The following POR variants were observed in gnomAD, a reference collection of about 807,000 sequenced individuals.
The protein encoded by POR is NADPH--cytochrome P450 reductase.
POR carries 56 observed loss-of-function variants against 84.0 expected under a neutral mutation model. The ratio of observed to expected loss-of-function variants is 0.67; its 90% CI spans 0.54 to 0.83. The LOEUF (loss-of-function observed/expected upper bound fraction) is 0.83, where lower values mean the gene tolerates loss of function less well. POR is among the 40% of genes least tolerant of loss of function. The pLI is 0.00. For synonymous variants in POR, 414 were observed against 400.5 expected, an observed-to-expected ratio of 1.03 and a Z score of -0.40; for missense variants, 938 against 944.3, an observed-to-expected ratio of 0.99 and a Z score of 0.09.
intron 1 of POR, among the ~76,000 whole-genome samples, chr7:75,916,797 A>G (rs192087178): frequency 2.1e-4 from 32 of 152,284 alleles, no homozygotes; most frequent in Admixed American, 6.5e-4. Flanking sequence ...ACCGCAGCCA[A>G]TGTAAATCAG....
chr7:75,962,069 C>T lies in POR; in HGVS notation c.188+7889C>T, dbSNP rs146063272. On this transcript the variant is annotated intron_variant, in intron 2 of 15. Transcript: ENST00000461988. ...CTCCTTTCTGAACATAACACAACGCCATCTTCACACCTTGGAAGTCAACAG... is the reference window on the plus strand; with the variant it reads ...CTCCTTTCTGAACATAACACAACGCTATCTTCACACCTTGGAAGTCAACAG... Among the ~76,000 whole-genome samples the T allele has an allele frequency of 3.9e-3, 587 of 152,204 alleles. 6 individuals carry two copies. Among genetic ancestry groups the T allele is most frequent in the Middle Eastern group, 0.01 (3 of 294 alleles).
chr7:75,965,814 G>A (rs552708849), intron 2 of POR, among the ~76,000 whole-genome samples: 6 of 152,132 alleles, frequency 3.9e-5, no homozygotes, highest in Non-Finnish European at 7.4e-5. Context: ...GGACATGGTC[G>A]GGGGGAATGA....
At chr7:75,958,432 T>C (rs1269424708) in intron 2 of POR, among the ~76,000 whole-genome samples, 2 of 152,080 alleles carry the variant, frequency 1.3e-5, no homozygotes, top group African/African-American at 2.4e-5. Flanking sequence ...TTATTATTTT[T>C]ATCCTTTTTA....
intron 2 of POR, among the ~76,000 whole-genome samples, chr7:75,954,695 A>G (rs986972760): frequency 8.1e-5 from 12 of 147,618 alleles, no homozygotes; most frequent in African/African-American, 2.8e-4. Context: ...GTGCACCACT[A>G]TGCCCAGCTA....
At chr7:75,984,277 G>C (rs41301415) in intron 10 of POR, among the ~76,000 whole-genome samples, 199 of 152,272 alleles carry the variant, frequency 1.3e-3, no homozygotes, top group Non-Finnish European at 2.4e-3. Context: ...GTGCCGAGTG[G>C]CAGTAGCCAT....
intron 1 of POR, among the ~76,000 whole-genome samples, chr7:75,937,291 C>CA (rs1227123390): frequency 0.012 from 761 of 66,168 alleles, 9 homozygotes; most frequent in African/African-American, 0.037. Flanking sequence ...CCCATCTCTA[C>CA]AAAAAAAAAA....
At chr7:75,956,593 T>C (rs1787696538) in intron 2 of POR, among the ~76,000 whole-genome samples, 1 of 151,856 alleles carries the variant, frequency 6.6e-6, no homozygotes, top group Admixed American at 6.5e-5. Context: ...TAAACTCACC[T>C]AGCACTGCCC....
chr7:75,981,372 T>C, intron 6 of POR, 145 bp from the exon 7 acceptor site: 1 of 1,183,262 alleles, frequency 8.5e-7, no homozygotes, highest in Non-Finnish European at 1.2e-6. Flanking sequence ...GCCTTCCTGA[T>C]GCTCTGGGTT....
intron 1 of POR, among the ~76,000 whole-genome samples, chr7:75,922,204 G>A (rs1292984341): frequency 6.6e-6 from 1 of 152,120 alleles, no homozygotes; most frequent in Non-Finnish European, 1.5e-5. Context: ...GCATAAGGTA[G>A]GCACTTGGAT....
At chr7:75,931,340 TA>T (rs1554550107) in intron 1 of POR, among the ~76,000 whole-genome samples, 3 of 84,956 alleles carry the variant, frequency 3.5e-5, no homozygotes, top group Non-Finnish European at 7.6e-5. Context: ...TGTGTGATTT[TA>T]TTTATTTATT....
chr7:75,916,571 G>A (rs1465011814), intron 1 of POR, among the ~76,000 whole-genome samples: 2 of 152,108 alleles, frequency 1.3e-5, no homozygotes, highest in African/African-American at 4.8e-5. Context: ...GCCATCTAAT[G>A]TTGGAAACTT....
intron 2 of POR, among the ~76,000 whole-genome samples, chr7:75,960,502 G>T (rs1232663076): frequency 6.6e-6 from 1 of 151,912 alleles, no homozygotes; most frequent in Non-Finnish European, 1.5e-5. Context: ...TAAAGACATG[G>T]TCTCGCTCTG....
chr7:75,979,739 C>T, intron 4 of POR, 160 bp downstream of exon 4: 2 of 995,342 alleles, frequency 2.0e-6, no homozygotes, highest in South Asian at 3.3e-5. Context: ...CCATCCCTGC[C>T]CGGGCTGACT....
chr7:75,986,221 T>C lies in POR; in HGVS notation c.1878T>C (p.Gly626=), dbSNP rs1250170266. The change falls in exon 15 of 16, where the codon GGT becomes GGC. Residue 626 remains glycine, a synonymous_variant. Coordinates refer to ENST00000461988, the MANE Select transcript of POR (RefSeq NM_000941.3). ...ACCTGTGGAAGTTGATCGAAGGCGG[T>C]GCCCACATCTACGTCTGTGGGTGAG... The C allele has an allele frequency of 6.8e-6, 11 of 1,612,560 alleles. No individual in the cohort carries two copies. The highest frequency in any genetic ancestry group is 9.3e-6 in the Non-Finnish European group (11 of 1,179,774).
chr7:75,971,515 G>A (rs921260647), intron 2 of POR, among the ~76,000 whole-genome samples: 1 of 151,984 alleles, frequency 6.6e-6, no homozygotes, highest in Admixed American at 6.6e-5. Flanking sequence ...GTGAGGGGTG[G>A]TGCGGGGGTA....
Position 75,985,203 on chromosome 7 carries a change from C to T in POR, c.1394C>T (p.Ser465Phe). ...CGCTACTACTCCATCGCCTCATCCT[C>T]CAAGGTGAGGGCCGGCACTGCCCTG... is the stretch of plus-strand genomic sequence containing the variant. Residue 465 changes from serine (S) to phenylalanine (F), a missense_variant, in exon 12 of 16, where the codon TCC becomes TTC. By Grantham distance (155) the Ser-to-Phe change is radical. Transcript: ENST00000461988. 2 of 1,590,428 alleles carry T rather than the reference C, an allele frequency of 1.3e-6. No individual in the cohort carries two copies. Among genetic ancestry groups the T allele is most frequent in the African/African-American group, 2.7e-5 (2 of 74,914 alleles).
chr7:75,952,665 GCTCCTCACAT>G (rs1787495743), intron 1 of POR, among the ~76,000 whole-genome samples: 1 of 148,002 alleles, frequency 6.8e-6, no homozygotes, highest in Non-Finnish European at 1.5e-5. Flanking sequence ...GGGCAGAGGC[GCTCCTCACAT>G]CCCAGACGGG....
intron 1 of POR, among the ~76,000 whole-genome samples, chr7:75,953,415 T>C (rs760648805): frequency 6.6e-6 from 1 of 151,066 alleles, no homozygotes; most frequent in Non-Finnish European, 1.5e-5. Context: ...ATAAATCTCA[T>C]TGTTAACAGG....
chr7:75,967,135 C>T (rs968069877), intron 2 of POR, among the ~76,000 whole-genome samples: 4 of 152,270 alleles, frequency 2.6e-5, no homozygotes, highest in Middle Eastern at 3.4e-3. Context: ...CCTCTACACC[C>T]GGCTAATTTT....
Sources: allele counts gnomAD v4.1 joint callset (sites outside exome capture counted in the v4.1 genomes callset), GRCh38; gene constraint gnomAD v4.1.1; transcripts MANE v1.5; gene names NCBI Gene and HGNC (gene_info 2026-07-23, HGNC 2026-07-21).